Variants in AFF3 observed in about 807,000 individuals in gnomAD.
AFF3 encodes AF4/FMR2 family member 3.
Under a neutral mutation model 129.7 loss-of-function variants are expected in AFF3, and 32 were observed. That is an observed-to-expected ratio of 0.25 (90% CI 0.19 to 0.33). The LOEUF (loss-of-function observed/expected upper bound fraction) is 0.33, where lower values mean the gene tolerates loss of function less well. Ranked by LOEUF, AFF3 falls within the 10% of genes least tolerant of loss-of-function variation. The probability of loss-of-function intolerance (pLI) is 1.00; values close to 1 mark genes in which losing one functional copy is unlikely to be tolerated. For missense variants in AFF3, 1,373 were observed against 1,592.0 expected, an observed-to-expected ratio of 0.86 and a Z score of 2.34; for synonymous variants, 644 against 635.4, an observed-to-expected ratio of 1.01 and a Z score of -0.20.
intron 13 of AFF3, among the ~76,000 whole-genome samples, chr2:99,613,851 CTAAA>C (rs1189295378): frequency 1.8e-4 from 27 of 152,132 alleles, no homozygotes; most frequent in Admixed American, 3.9e-4. Context: ...TCCTTACTTT[CTAAA>C]TAGATCATTG....
intron 19 of AFF3, among the ~76,000 whole-genome samples, chr2:99,568,092 G>C (rs1483663157): frequency 6.6e-6 from 1 of 152,170 alleles, no homozygotes; most frequent in South Asian, 2.1e-4. Context: ...GAGGGGTACT[G>C]TTACTGTTTA....
intron 13 of AFF3, among the ~76,000 whole-genome samples, chr2:99,616,636 G>T (rs941990185): frequency 6.6e-6 from 1 of 151,980 alleles, no homozygotes; most frequent in Non-Finnish European, 1.5e-5. Context: ...TGCACCTGTA[G>T]TCCCAGCTAC....
intron 13 of AFF3, among the ~76,000 whole-genome samples, chr2:99,621,450 G>A (rs1682002796): frequency 6.6e-6 from 1 of 152,190 alleles, no homozygotes. Context: ...GGATCTGCCT[G>A]CGACCTCGTC....
intron 12 of AFF3, among the ~76,000 whole-genome samples, chr2:99,659,923 G>A (rs541793167): frequency 6.6e-6 from 1 of 152,230 alleles, no homozygotes; most frequent in South Asian, 2.1e-4. Flanking sequence ...ATGACTCTGT[G>A]GCCTGCTCAT....
At chr2:99,886,191 C>T (rs568680832) in intron 7 of AFF3, among the ~76,000 whole-genome samples, 1 of 152,300 alleles carries the variant, frequency 6.6e-6, no homozygotes, top group South Asian at 2.1e-4. Flanking sequence ...TTAGATTGCA[C>T]CTTTCCTACC....
At chr2:99,833,521 G>A (rs1688654044) in intron 8 of AFF3, among the ~76,000 whole-genome samples, 1 of 152,124 alleles carries the variant, frequency 6.6e-6, no homozygotes, top group South Asian at 2.1e-4. Context: ...CATTCCTTAA[G>A]TCCAAACCAG....
At position 100,104,477 on chromosome 2, in the gene AFF3, G is replaced by A. The variant is rs760521179; in HGVS notation, c.-23C>T. The A allele has an allele frequency of 3.9e-4, 515 of 1,303,832 alleles. 1 individual carries two copies. Among genetic ancestry groups the A allele is most frequent in the Middle Eastern group, 1.6e-3 (5 of 3,160 alleles). The allele number at this position is 1,303,832 out of a possible 1,614,324, so 80.8% of individuals were successfully genotyped here. A position where few individuals can be genotyped will look rare whatever the true frequency, so the allele number is the denominator to read the frequency against. ...CATGGTGGGAGGTGTCAGCGTCGCC[G>A]CCGCCGCTACCGCCGCCGCCGAGGC... is the stretch of plus-strand genomic sequence containing the variant. On this transcript the variant is annotated 5_prime_UTR_variant, in exon 4 of 25. Coordinates refer to ENST00000672756, the MANE Select transcript of AFF3 (RefSeq NM_001386135.1).
At chr2:99,632,589 C>T (rs1048137908) in intron 13 of AFF3, among the ~76,000 whole-genome samples, 12 of 152,118 alleles carry the variant, frequency 7.9e-5, no homozygotes, top group Non-Finnish European at 1.3e-4. Context: ...CGCCAGGCTT[C>T]GTTGGAGAGC....
Position 99,593,504 on chromosome 2 carries a change from A to G in AFF3, c.2157T>C (p.Pro719=). 1 of 1,613,448 alleles carries G rather than the reference A, an allele frequency of 6.2e-7. No individual in the cohort carries two copies. The highest frequency in any genetic ancestry group is 1.1e-5 in the South Asian group (1 of 91,078). Residue 719 remains proline, a synonymous_variant, in exon 15 of 25, where the codon CCT becomes CCC. Transcript: ENST00000672756. The part of the protein sequence containing the change: ...KEAAANGGSG[P]RAPVGSINAR... ...CGTTGATGGAGCCTACAGGGGCCCT[A>G]GGACCACTGCCCCCGTTGGCAGCGG... is the stretch of plus-strand genomic sequence containing the variant.
chr2:99,838,533 C>T (rs982876838), intron 7 of AFF3, among the ~76,000 whole-genome samples: 5 of 152,166 alleles, frequency 3.3e-5, no homozygotes, highest in African/African-American at 7.2e-5. Context: ...CAGCTTCCTC[C>T]GAGCAGCCAC....
At chr2:99,618,221 A>ATTTTTTTT (rs1681632191) in intron 13 of AFF3, among the ~76,000 whole-genome samples, 1 of 103,480 alleles carries the variant, frequency 9.7e-6, no homozygotes, top group African/African-American at 4.1e-5. Flanking sequence ...TGCTCATAAC[A>ATTTTTTTT]TTCTTTTTTT....
chr2:100,020,166 G>T (rs910589120), intron 4 of AFF3, among the ~76,000 whole-genome samples: 16 of 151,932 alleles, frequency 1.1e-4, no homozygotes, highest in Admixed American at 9.8e-4. Context: ...TCCTCATGGG[G>T]CAATCCGTGG....
At chr2:99,715,243 T>C (rs1408549888) in intron 11 of AFF3, among the ~76,000 whole-genome samples, 1 of 152,272 alleles carries the variant, frequency 6.6e-6, no homozygotes, top group Non-Finnish European at 1.5e-5. Context: ...AAACTTTCTA[T>C]TAATTTTTGT....
chr2:100,051,223 C>T (rs964062304), intron 4 of AFF3, among the ~76,000 whole-genome samples: 1 of 152,170 alleles, frequency 6.6e-6, no homozygotes, highest in African/African-American at 2.4e-5. Context: ...ACTCCCACCC[C>T]AGCCCTGGAT....
chr2:99,840,027 GT>G (rs1311565741), intron 7 of AFF3, among the ~76,000 whole-genome samples: 1 of 149,916 alleles, frequency 6.7e-6, no homozygotes, highest in Non-Finnish European at 1.5e-5. Flanking sequence ...CCTTTTTATT[GT>G]TTTATTATAG....
intron 7 of AFF3, among the ~76,000 whole-genome samples, chr2:99,898,687 G>A (rs1694149413): frequency 6.6e-6 from 1 of 152,172 alleles, no homozygotes; most frequent in South Asian, 2.1e-4. Context: ...CCCGGATACT[G>A]AGGAAGCCCA....
chr2:99,620,437 T>C (rs1681888298), intron 13 of AFF3, among the ~76,000 whole-genome samples: 1 of 152,078 alleles, frequency 6.6e-6, no homozygotes, highest in Non-Finnish European at 1.5e-5. Context: ...GAGACCAGAA[T>C]GGGCAACATA....
In AFF3 at chr2:100,105,595, A is replaced by G. The variant is rs1363281014; in HGVS notation, c.-144-12T>C. On this transcript the variant is annotated splice_polypyrimidine_tract_variant and intron_variant, in intron 2 of 24. Coordinates refer to ENST00000672756, the MANE Select transcript of AFF3 (RefSeq NM_001386135.1). ...AGGCAGGTGATCAGCTAGAAGGGTG[A>G]TAAGAGTATCATCGTGGCTCCTAAA... The G allele has an allele frequency of 3.7e-6, 5 of 1,334,668 alleles. No individual in the cohort carries two copies. In the Admixed American group the frequency reaches 6.8e-5, roughly 18 times the overall value. The allele number at this position is 1,334,668 out of a possible 1,614,324, so 82.7% of individuals were successfully genotyped here.
intron 4 of AFF3, among the ~76,000 whole-genome samples, chr2:100,068,750 T>G (rs1414380139): frequency 6.6e-6 from 1 of 152,098 alleles, no homozygotes; most frequent in Non-Finnish European, 1.5e-5. Flanking sequence ...TCAAGGATGC[T>G]GGGAGGGAAA....
Sources: gnomAD v4.1 joint callset for allele counts (sites outside exome capture counted in the v4.1 genomes callset) on GRCh38, gnomAD v4.1.1 for gene constraint, MANE v1.5 for transcripts, NCBI Gene and HGNC (gene_info 2026-07-23, HGNC 2026-07-21) for gene names.